The following FLG2 variants were observed in gnomAD, a reference collection of about 807,000 sequenced individuals.
FLG2 encodes filaggrin 2.
FLG2 carries 7 observed loss-of-function variants against 3.9 expected under a neutral mutation model. The observed-to-expected ratio is 1.79, with a 90% confidence interval of 1.02 to 3.36. The LOEUF is 3.36. Ranked by LOEUF, FLG2 falls within the 30% of genes most tolerant of loss-of-function variation. The probability of loss-of-function intolerance (pLI) is 0.00; values close to 1 mark genes in which losing one functional copy is unlikely to be tolerated. For synonymous variants in FLG2, 1,031 were observed against 1,056.1 expected (o/e 0.98, Z 0.46); for missense variants, 2,700 against 2,809.4 (o/e 0.96, Z 0.88).
Position 152,358,900 on chromosome 1 carries a change from A to G in FLG2, c.-16T>C, listed in dbSNP as rs368604025. 3 of 1,610,406 alleles carry G rather than the reference A, an allele frequency of 1.9e-6. No homozygotes were observed. The highest frequency in any genetic ancestry group is 2.5e-6 in the Non-Finnish European group (3 of 1,178,730). ...GGTCGGTCATCTTTTTGCAAGTTTA[A>G]GTGAACCTGGACACAGAAAAACAAA... On this transcript the variant is annotated 5_prime_UTR_variant, in exon 2 of 3. Coordinates refer to ENST00000388718, the MANE Select transcript of FLG2 (RefSeq NM_001014342.3).
chr1:152,352,506 T>C lies in FLG2; in HGVS notation c.5280A>G (p.Glu1760=). ...TTCCATGTCTCTCATGAACTATGGA[T>C]TCTGACTCTCCATGTTGAGATCTGG... The part of the protein sequence containing the change: ...GQARSQHGES[E]SIVHERHGTI... The change falls in exon 3 of 3, where the codon GAA becomes GAG. Residue 1760 remains glutamate (E), a synonymous_variant. Coordinates refer to ENST00000388718, the MANE Select transcript of FLG2 (RefSeq NM_001014342.3). 1 of 1,613,622 alleles carries C rather than the reference T, an allele frequency of 6.2e-7. No homozygotes were observed. The highest frequency in any genetic ancestry group is 1.1e-5 in the South Asian group (1 of 91,046).
Position 152,356,459 on chromosome 1 carries a change from C to T in FLG2, c.1327G>A (p.Glu443Lys), listed in dbSNP as rs747766822. 76 of 1,614,132 alleles carry T rather than the reference C, an allele frequency of 4.7e-5. No homozygotes were observed. The highest frequency in any genetic ancestry group is 1.0e-4 in the Admixed American group (6 of 60,010). Residue 443 changes from glutamate to lysine, a missense_variant, in exon 3 of 3, where the codon GAA becomes AAA. Coordinates refer to ENST00000388718, the MANE Select transcript of FLG2 (RefSeq NM_001014342.3). ...GTGLSQSSGF[E>K]QHVCGSGQTC... ...TGACCTGAGCCACATACATGTTGTT[C>T]GAACCCAGAGGACTGACTCAAGCCT...
In FLG2 at chr1:152,351,804, G is replaced by C; in HGVS notation, c.5982C>G (p.His1994Gln). The part of the protein sequence containing the change: ...PESGSSVHER[H>Q]GTTHGQTADT... ...CTGCTGTTTGTCCATGAGTAGTTCCGTGTCTCTCATGAACTGAGGATCCTG... is the reference window on the plus strand; with the variant it reads ...CTGCTGTTTGTCCATGAGTAGTTCCCTGTCTCTCATGAACTGAGGATCCTG... The change falls in exon 3 of 3, where the codon CAC becomes CAG. Residue 1994 changes from histidine to glutamine, a missense_variant. His to Gln is a conservative substitution (Grantham distance 24). Transcript: ENST00000388718. 6.2e-7 allele frequency: 1 copy of C among 1,611,906 alleles called. No individual in the cohort carries two copies. The highest frequency in any genetic ancestry group is 1.4e-5 in the African/African-American group (1 of 73,756).
Position 152,354,199 on chromosome 1 carries a change from A to G in FLG2, c.3587T>C (p.Ile1196Thr). The change falls in exon 3 of 3, where the codon ATA becomes ACA. Residue 1196 changes from isoleucine (I) to threonine (T), a missense_variant. Ile to Thr is a moderately conservative substitution (Grantham distance 89). Coordinates refer to ENST00000388718, the MANE Select transcript of FLG2 (RefSeq NM_001014342.3). ...TCCAGTGGACTGACCTGAGTCAGAT[A>G]TATGTTGTCCAGAACTAGAGAAATT... The part of the protein sequence containing the change: ...SDNFSSSGQH[I>T]SDSGQSTGFG... The G allele has an allele frequency of 1.2e-6, 2 of 1,614,000 alleles. No homozygotes were observed. The highest frequency in any genetic ancestry group is 1.7e-6 in the Non-Finnish European group (2 of 1,179,968).
intron 1 of FLG2, among the ~76,000 whole-genome samples, chr1:152,359,651 T>G (rs191803481): frequency 3.3e-5 from 5 of 152,118 alleles, no homozygotes; most frequent in African/African-American, 1.2e-4. Flanking sequence ...CAGTTTGAGC[T>G]GGACAGCCCA....
Position 152,354,563 on chromosome 1 carries a change from T to C in FLG2, c.3223A>G (p.Ser1075Gly). The change falls in exon 3 of 3, where the codon AGC becomes GGC. Residue 1075 changes from serine to glycine, a missense_variant. By Grantham distance (56) the Ser-to-Gly change is moderately conservative. Coordinates refer to ENST00000388718, the MANE Select transcript of FLG2 (RefSeq NM_001014342.3). ...GQYESRSRQSSYGQHGSGSSQ... is the reference protein window; with the variant it reads ...GQYESRSRQSGYGQHGSGSSQ... The stretch of plus-strand genomic sequence containing the variant: ...GAGCCAGAACCATGTTGGCCATAGC[T>C]AGACTGACGTGATCTAGACTCATAT... 1 of 1,613,810 alleles carries C rather than the reference T, an allele frequency of 6.2e-7. No individual in the cohort carries two copies. Among genetic ancestry groups the C allele is most frequent in the Non-Finnish European group, 8.5e-7 (1 of 1,179,958 alleles).
chr1:152,355,588 C>T lies in FLG2; in HGVS notation c.2198G>A (p.Gly733Asp). ...ELSSGQSSSF[G>D]QHGSGSGQSS... ...CTGACCTGAGCCTGATCCATGTTGG[C>T]CAAAGCTGGAAGACTGACCTGAGCT... Residue 733 changes from glycine (G) to aspartate (D), a missense_variant, in exon 3 of 3, where the codon GGC becomes GAC. Coordinates refer to ENST00000388718, the MANE Select transcript of FLG2 (RefSeq NM_001014342.3). The T allele has an allele frequency of 6.2e-7, 1 of 1,613,454 alleles. No homozygotes were observed. Among genetic ancestry groups the T allele is most frequent in the Non-Finnish European group, 8.5e-7 (1 of 1,179,910 alleles).
Position 152,355,574 on chromosome 1 carries a change from C to A in FLG2, c.2212G>T (p.Gly738Cys). The change falls in exon 3 of 3, where the codon GGC (glycine) becomes TGC (cysteine). Residue 738 changes from glycine (G) to cysteine (C), a missense_variant. Transcript: ENST00000388718. ...CCAAAGCCAGAGGACTGACCTGAGCCTGATCCATGTTGGCCAAAGCTGGAA... is the reference window on the plus strand; with the variant it reads ...CCAAAGCCAGAGGACTGACCTGAGCATGATCCATGTTGGCCAAAGCTGGAA... ...QSSSFGQHGS[G>C]SGQSSGFGQH... 1.2e-6 allele frequency: 2 copies of A among 1,613,852 alleles called. No homozygotes were observed. Among genetic ancestry groups the A allele is most frequent in the Non-Finnish European group, 1.7e-6 (2 of 1,179,988 alleles).
Position 152,351,847 on chromosome 1 carries a change from C to T in FLG2, c.5939G>A (p.Gly1980Glu). The T allele has an allele frequency of 6.2e-7, 1 of 1,612,740 alleles. No homozygotes were observed. The highest frequency in any genetic ancestry group is 8.5e-7 in the Non-Finnish European group (1 of 1,179,834). ...THSGHTHGQA[G>E]SHYPESGSSV... ...GGATCCTGACTCTGGATAGTGAGAT[C>T]CAGCTTGACCGTGAGTGTGTCCTGA... The change falls in exon 3 of 3, where the codon GGA (glycine) becomes GAA (glutamate). Residue 1980 changes from glycine to glutamate, a missense_variant. Coordinates refer to ENST00000388718, the MANE Select transcript of FLG2 (RefSeq NM_001014342.3).
chr1:152,356,076 A>G lies in FLG2; in HGVS notation c.1710T>C (p.His570=), dbSNP rs757364252. 3.8e-5 allele frequency: 61 copies of G among 1,613,594 alleles called. No homozygotes were observed. The East Asian group carries it at 5.1e-4, about 14-fold the overall frequency. ...CAGTGGATTGACCTGAGCCCAACCC[A>G]TGTTGTCCAAAGCCAGATGTCTCTC... ...GSRETSGFGQ[H]GLGSGQSTGF... The change falls in exon 3 of 3, where the codon CAT becomes CAC. Residue 570 remains histidine, a synonymous_variant. Transcript: ENST00000388718.
chr1:152,352,344 C>A lies in FLG2; in HGVS notation c.5442G>T (p.Gly1814=). ...CTCGTGAGTGTGGTCTTTGTGAGAA[C>A]CCTGAGTGCCCTTCACTGTCACTGT... ...SEYSDSEGHS[G]FSQRPHSRGH... The change falls in exon 3 of 3, where the codon GGG becomes GGT. Residue 1814 remains glycine, a synonymous_variant. Transcript: ENST00000388718. 6.2e-7 allele frequency: 1 copy of A among 1,612,600 alleles called. No individual in the cohort carries two copies. Among genetic ancestry groups the A allele is most frequent in the Non-Finnish European group, 8.5e-7 (1 of 1,179,694 alleles).
Position 152,356,131 on chromosome 1 carries a change from T to G in FLG2, c.1655A>C (p.Gln552Pro), listed in dbSNP as rs1654219800. ...SYGQHGSGSS[Q>P]SSGYGQYGSR... ...CCCATATTGGCCATAGCCAGATGAT[T>G]GACTTGAGCCAGAACCATGTTGGCC... Residue 552 changes from glutamine (Q) to proline (P), a missense_variant, in exon 3 of 3, where the codon CAA becomes CCA. Coordinates refer to ENST00000388718, the MANE Select transcript of FLG2 (RefSeq NM_001014342.3). The G allele has an allele frequency of 1.2e-6, 2 of 1,613,820 alleles. No individual in the cohort carries two copies. The highest frequency in any genetic ancestry group is 1.7e-6 in the Non-Finnish European group (2 of 1,180,006).
chr1:152,355,389 T>C lies in FLG2; in HGVS notation c.2397A>G (p.Ser799=), dbSNP rs574526442. Reference sequence around the variant, plus strand: ...CAAAGCCAGTGGATTGACTTGAGCCTGACCCATGTTGTCCAAAGCCAGATG... The same window carrying C: ...CAAAGCCAGTGGATTGACTTGAGCCCGACCCATGTTGTCCAAAGCCAGATG... ...RQTSGFGQHG[S]GSSQSTGFGQ... The change falls in exon 3 of 3, where the codon TCA becomes TCG. Residue 799 remains serine (S), a synonymous_variant. Transcript: ENST00000388718. 6.2e-7 allele frequency: 1 copy of C among 1,613,008 alleles called. No homozygotes were observed. The highest frequency in any genetic ancestry group is 8.5e-7 in the Non-Finnish European group (1 of 1,179,806).
Position 152,351,351 on chromosome 1 carries a change from T to G in FLG2, c.6435A>C (p.Gly2145=). The change falls in exon 3 of 3, where the codon GGA becomes GGC. Residue 2145 remains glycine, a synonymous_variant. Coordinates refer to ENST00000388718, the MANE Select transcript of FLG2 (RefSeq NM_001014342.3). ...ESGSAIHGRQ[G]TIHGQTGDTT... is the part of the protein sequence containing the mutation. ...TATCTCCTGTCTGTCCATGTATAGT[T>G]CCCTGTCTCCCGTGAATGGCAGATC... The G allele has an allele frequency of 6.2e-7, 1 of 1,613,718 alleles. No homozygotes were observed. The highest frequency in any genetic ancestry group is 8.5e-7 in the Non-Finnish European group (1 of 1,179,942).
In FLG2 at chr1:152,354,442, A is replaced by T; in HGVS notation, c.3344T>A (p.Phe1115Tyr). Reference sequence around the variant, plus strand: ...ACCTGAGCCCGATCCATATTGGCCAAAGCCAGAGGACTGACCTGAGCCTGG... The same window carrying T: ...ACCTGAGCCCGATCCATATTGGCCATAGCCAGAGGACTGACCTGAGCCTGG... The part of the protein sequence containing the change: ...HRPGSGQSSG[F>Y]GQYGSGSGQS... Residue 1115 changes from phenylalanine (F) to tyrosine (Y), a missense_variant, in exon 3 of 3, where the codon TTT becomes TAT. By Grantham distance (22) the Phe-to-Tyr change is conservative (BLOSUM62 3). Coordinates refer to ENST00000388718, the MANE Select transcript of FLG2 (RefSeq NM_001014342.3). 6.2e-7 allele frequency: 1 copy of T among 1,614,090 alleles called. No individual in the cohort carries two copies. Among genetic ancestry groups the T allele is most frequent in the South Asian group, 1.1e-5 (1 of 91,066 alleles).
Position 152,355,535 on chromosome 1 carries a change from C to T in FLG2, c.2251G>A (p.Gly751Ser), listed in dbSNP as rs779833432. 3.7e-5 allele frequency: 60 copies of T among 1,613,394 alleles called. No individual in the cohort carries two copies. The highest frequency in any genetic ancestry group is 4.7e-5 in the Non-Finnish European group (56 of 1,179,936). The stretch of plus-strand genomic sequence containing the variant: ...CCAAAGCCAGAGGATTGTCCTGAGC[C>T]AGACCCATGTTGTCCAAAGCCAGAG... Reference protein sequence around the residue: ...QSSGFGQHGSGSGQSSGFGQH... With the variant: ...QSSGFGQHGSSSGQSSGFGQH... The change falls in exon 3 of 3, where the codon GGC (glycine) becomes AGC (serine). Residue 751 changes from glycine (G) to serine (S), a missense_variant. Coordinates refer to ENST00000388718, the MANE Select transcript of FLG2 (RefSeq NM_001014342.3).
Position 152,352,692 on chromosome 1 carries a change from C to T in FLG2, c.5094G>A (p.Gln1698=). The stretch of plus-strand genomic sequence containing the variant: ...GGGCATGTCTAGTGGTATCTCCTGT[C>T]TGTCCATGAGTAGTTCCATGTCTCT... ...VPERHGTTHG[Q]TGDTTRHAHY... Residue 1698 remains glutamine (Q), a synonymous_variant, in exon 3 of 3, where the codon CAG becomes CAA. Coordinates refer to ENST00000388718, the MANE Select transcript of FLG2 (RefSeq NM_001014342.3). 6.2e-7 allele frequency: 1 copy of T among 1,613,916 alleles called. No individual in the cohort carries two copies. The highest frequency in any genetic ancestry group is 1.1e-5 in the South Asian group (1 of 91,062).
chr1:152,358,150 T>G (rs1277461221), intron 2 of FLG2, among the ~76,000 whole-genome samples: 1 of 151,712 alleles, frequency 6.6e-6, no homozygotes, highest in Non-Finnish European at 1.5e-5. Flanking sequence ...GCCTCCCGAG[T>G]AGCTGGGACT....
At position 152,356,965 on chromosome 1, in the gene FLG2, C is replaced by T. The variant is rs1409192022; in HGVS notation, c.821G>A (p.Gly274Glu). 1.2e-6 allele frequency: 2 copies of T among 1,614,078 alleles called. No individual in the cohort carries two copies. The highest frequency in any genetic ancestry group is 4.5e-5 in the East Asian group (2 of 44,894). ...GSSCSGSGDS[G>E]RRSHACGYSN... ...ATAACCACATGCATGACTTCGCCTC[C>T]CACTGTCTCCTGAACCTGAACAGCT... The change falls in exon 3 of 3, where the codon GGG (glycine) becomes GAG (glutamate). Residue 274 changes from glycine (G) to glutamate (E), a missense_variant. Transcript: ENST00000388718.
Sources: gnomAD v4.1 joint callset for allele counts (sites outside exome capture counted in the v4.1 genomes callset) on GRCh38, gnomAD v4.1.1 for gene constraint, MANE v1.5 for transcripts, NCBI Gene and HGNC (gene_info 2026-07-23, HGNC 2026-07-21) for gene names.